CASR: variants seen among roughly 807,000 people sequenced by gnomAD.
The protein encoded by CASR is extracellular calcium-sensing receptor.
In CASR, 23 loss-of-function variants were observed where a neutral mutation model predicts 69.1. The observed-to-expected ratio is 0.33, with a 90% confidence interval of 0.24 to 0.47. CASR has a LOEUF of 0.47. Among genes scored for constraint, CASR ranks in the 20% least tolerant of loss-of-function variants. The pLI, the probability that CASR is intolerant of heterozygous loss-of-function variation, is 1.00. For synonymous variants in CASR, 541 were observed against 544.7 expected, an observed-to-expected ratio of 0.99 and a Z score of 0.10; for missense variants, 924 against 1,356.1, an observed-to-expected ratio of 0.68 and a Z score of 5.00.
At chr3:122,198,431 T>C (rs1265481441) in intron 1 of CASR, among the ~76,000 whole-genome samples, 1 of 152,230 alleles carries the variant, frequency 6.6e-6, no homozygotes, top group Non-Finnish European at 1.5e-5. Flanking sequence ...ATAATATGTA[T>C]GTATTTATGA....
At chr3:122,217,619 A>G (rs1273298467) in intron 1 of CASR, among the ~76,000 whole-genome samples, 1 of 152,234 alleles carries the variant, frequency 6.6e-6, no homozygotes. Context: ...TTTGACATTC[A>G]GCTTATCAGC....
At chr3:122,276,128 C>G in intron 5 of CASR, 86 bp downstream of exon 5, 2 of 859,080 alleles carry the variant, frequency 2.3e-6, no homozygotes, top group Non-Finnish European at 4.0e-6. Flanking sequence ...GGTTTCCCCA[C>G]TGGACTTCCA....
intron 1 of CASR, among the ~76,000 whole-genome samples, chr3:122,187,651 A>G (rs2073799231): frequency 6.6e-6 from 1 of 152,230 alleles, no homozygotes; most frequent in African/African-American, 2.4e-5. Context: ...TGGAGGAGGT[A>G]ACGCTTGAGT....
chr3:122,242,365 A>C (rs1439577141), intron 1 of CASR, among the ~76,000 whole-genome samples: 8 of 152,224 alleles, frequency 5.3e-5, no homozygotes. Flanking sequence ...TACAAAAACT[A>C]GTAGCATTTC....
Position 122,257,096 on chromosome 3 carries a change from G to A in CASR, c.201G>A (p.Gly67=), listed in dbSNP as rs1203051815. 1.2e-6 allele frequency: 2 copies of A among 1,613,938 alleles called. No homozygotes were observed. Among genetic ancestry groups the A allele is most frequent in the Non-Finnish European group, 1.7e-6 (2 of 1,179,974 alleles). The part of the protein sequence containing the change: ...SVECIRYNFR[G]FRWLQAMIFA... ...TTTCTTCCAGGTATAATTTCCGTGG[G>A]TTTCGCTGGTTACAGGCTATGATAT... The change falls in exon 3 of 7, where the codon GGG becomes GGA. Residue 67 remains glycine (G), a synonymous_variant. Transcript: ENST00000639785.
At chr3:122,266,496 C>T (rs1292422161) in intron 4 of CASR, among the ~76,000 whole-genome samples, 1 of 151,934 alleles carries the variant, frequency 6.6e-6, no homozygotes, top group Non-Finnish European at 1.5e-5. Context: ...GCGGCCCGAT[C>T]TTGGCTCACT....
At position 122,289,893 on chromosome 3, in the gene CASR, A is replaced by C. The variant is rs780127209; in HGVS notation, c.*4702A>C. 6.8e-6 allele frequency: 1 copy of C among 146,780 alleles called. No individual in the cohort carries two copies. Among genetic ancestry groups the C allele is most frequent in the Non-Finnish European group, 1.5e-5 (1 of 66,998 alleles). The allele number at this position is 146,780 out of a possible 1,614,324, so 9.1% of individuals were successfully genotyped here. A position where few individuals can be genotyped will look rare whatever the true frequency, so the allele number is the denominator to read the frequency against. The stretch of plus-strand genomic sequence containing the variant: ...AGAGTTGAAGACCAGCCTGGGCAAC[A>C]TGGCAAAACCCCATCTCTACAAACA... On this transcript the variant is annotated 3_prime_UTR_variant, in exon 7 of 7. Transcript: ENST00000639785.
intron 1 of CASR, among the ~76,000 whole-genome samples, chr3:122,206,148 C>T (rs1198240305): frequency 6.6e-6 from 1 of 151,960 alleles, no homozygotes; most frequent in Non-Finnish European, 1.5e-5. Context: ...TGTTTTCTTC[C>T]ATATTGTAAA....
intron 1 of CASR, among the ~76,000 whole-genome samples, chr3:122,252,454 G>GAAAGAAAGAA (rs1559954433): frequency 2.2e-5 from 1 of 45,068 alleles, no homozygotes; most frequent in Admixed American, 2.7e-4. Flanking sequence ...AGAAAAAAAA[G>GAAAGAAAGAA]AAAAGAAAGA....
At chr3:122,231,600 A>G (rs1369037424) in intron 1 of CASR, among the ~76,000 whole-genome samples, 2 of 152,136 alleles carry the variant, frequency 1.3e-5, no homozygotes, top group East Asian at 3.8e-4. Context: ...TTCTTTCTCT[A>G]TCTCTCTGTA....
intron 1 of CASR, among the ~76,000 whole-genome samples, chr3:122,234,090 G>A (rs1182977645): frequency 1.3e-5 from 2 of 152,220 alleles, no homozygotes; most frequent in African/African-American, 2.4e-5. Flanking sequence ...GCTCACATCA[G>A]GCGCATAACT....
chr3:122,270,958 T>C (rs1297003120), intron 4 of CASR, among the ~76,000 whole-genome samples: 1 of 152,256 alleles, frequency 6.6e-6, no homozygotes, highest in African/African-American at 2.4e-5. Context: ...GAAAATAATG[T>C]ATATTCTGTT....
chr3:122,198,672 C>T (rs2073913541), intron 1 of CASR, among the ~76,000 whole-genome samples: 1 of 151,926 alleles, frequency 6.6e-6, no homozygotes, highest in African/African-American at 2.4e-5. Flanking sequence ...GCAAATAAAA[C>T]AACTACTAGT....
rs2074989323 is a variant in CASR at position 122,288,684 on chromosome 3, C to T, written c.*3493C>T. Reference sequence around the variant, plus strand: ...CAGCCGTGTTGTCTCATTCTATTATCTGTCAGTAGCAGAAACCTGAAATTG... The same window carrying T: ...CAGCCGTGTTGTCTCATTCTATTATTTGTCAGTAGCAGAAACCTGAAATTG... On this transcript the variant is annotated 3_prime_UTR_variant, in exon 7 of 7. Transcript: ENST00000639785. 6.6e-6 allele frequency: 1 copy of T among 152,054 alleles called. No individual in the cohort carries two copies. The highest frequency in any genetic ancestry group is 2.4e-5 in the African/African-American group (1 of 41,404). 9.4% of individuals were successfully genotyped at this position (152,054 alleles called of 1,614,324 possible).
intron 1 of CASR, among the ~76,000 whole-genome samples, chr3:122,207,037 C>A (rs1185778268): frequency 6.6e-6 from 1 of 151,586 alleles, no homozygotes; most frequent in Non-Finnish European, 1.5e-5. Flanking sequence ...TTTTGTCGAC[C>A]CATTTTTTTA....
chr3:122,214,958 T>C (rs1446346619), intron 1 of CASR, among the ~76,000 whole-genome samples: 2 of 152,212 alleles, frequency 1.3e-5, no homozygotes, highest in Admixed American at 1.3e-4. Context: ...GACTAATCCA[T>C]GCCACACATT....
intron 1 of CASR, among the ~76,000 whole-genome samples, chr3:122,227,917 T>TC (rs1392229889): frequency 6.7e-6 from 1 of 149,798 alleles, no homozygotes; most frequent in Non-Finnish European, 1.5e-5. Flanking sequence ...AATAAATAAA[T>TC]AAATCAATCC....
chr3:122,243,365 T>G (rs1356406949), intron 1 of CASR, among the ~76,000 whole-genome samples: 1 of 152,022 alleles, frequency 6.6e-6, no homozygotes, highest in East Asian at 1.9e-4. Flanking sequence ...GGGTAAAAGA[T>G]CTGAATAGAC....
chr3:122,184,525 C>G (rs879370255), intron 1 of CASR: 3 of 156,452 alleles, frequency 1.9e-5, no homozygotes, highest in African/African-American at 4.8e-5. Context: ...CTGGCCGCGG[C>G]GCAGGTAGGA....
Sources: gnomAD v4.1 joint callset for allele counts (sites outside exome capture counted in the v4.1 genomes callset) on GRCh38, gnomAD v4.1.1 for gene constraint, MANE v1.5 for transcripts, NCBI Gene and HGNC (gene_info 2026-07-23, HGNC 2026-07-21) for gene names.